NECTIN1: variants seen among roughly 807,000 people sequenced by gnomAD.
NECTIN1 encodes the protein nectin-1.
Under a neutral mutation model 48.0 loss-of-function variants are expected in NECTIN1, and 23 were observed. That is an observed-to-expected ratio of 0.48 (90% CI 0.34 to 0.68). NECTIN1 has a LOEUF of 0.68. Ranked by LOEUF, NECTIN1 falls within the 30% of genes least tolerant of loss-of-function variation. The probability of loss-of-function intolerance (pLI) is 0.01; values close to 1 mark genes in which losing one functional copy is unlikely to be tolerated. For missense variants in NECTIN1, 591 were observed against 709.9 expected (o/e 0.83, Z 1.90); for synonymous variants, 270 against 288.9 (o/e 0.93, Z 0.66).
intron 1 of NECTIN1, among the ~76,000 whole-genome samples, chr11:119,694,826 C>A (rs1865315082): frequency 6.6e-6 from 1 of 152,188 alleles, no homozygotes; most frequent in Non-Finnish European, 1.5e-5. Context: ...GCTGCCCCCC[C>A]AGGCATCTTG....
intron 1 of NECTIN1, among the ~76,000 whole-genome samples, chr11:119,705,609 T>C (rs903160606): frequency 6.6e-6 from 1 of 152,156 alleles, no homozygotes; most frequent in Non-Finnish European, 1.5e-5. Flanking sequence ...CGGAGGAGAC[T>C]GATGCAGGGG....
chr11:119,670,704 T>C (rs1158427261), intron 5 of NECTIN1, among the ~76,000 whole-genome samples: 1 of 140,244 alleles, frequency 7.1e-6, no homozygotes, highest in Non-Finnish European at 1.5e-5. Context: ...TGGAGTGCAG[T>C]GGCACGATCT....
At chr11:119,642,103 G>A (rs1316442634) in intron 5 of NECTIN1, 1 of 152,206 alleles carries the variant, frequency 6.6e-6, no homozygotes, top group Non-Finnish European at 1.5e-5. Flanking sequence ...TGCCTGGCAT[G>A]CAGAAGTGCT....
intron 1 of NECTIN1, among the ~76,000 whole-genome samples, chr11:119,700,278 G>A (rs971828549): frequency 6.6e-6 from 1 of 152,210 alleles, no homozygotes; most frequent in Non-Finnish European, 1.5e-5. Flanking sequence ...CCCGTTCTTG[G>A]CTCTGAGAGT....
At chr11:119,686,238 C>T (rs1865151269) in intron 1 of NECTIN1, among the ~76,000 whole-genome samples, 1 of 152,204 alleles carries the variant, frequency 6.6e-6, no homozygotes, top group South Asian at 2.1e-4. Flanking sequence ...CTCACTAGTG[C>T]ACACCTCCCT....
Position 119,727,654 on chromosome 11 carries a change from T to TGGGCCACCA in NECTIN1, c.79+812_79+820dup, listed in dbSNP as rs1252005083. Among the ~76,000 whole-genome samples the TGGGCCACCA allele has an allele frequency of 2.0e-5, 3 of 152,248 alleles. No individual in the cohort carries two copies. The highest frequency in any genetic ancestry group is 6.5e-5 in the Admixed American group (1 of 15,294). On this transcript the variant is annotated intron_variant, in intron 1 of 5. Transcript: ENST00000264025. The surrounding 1 kb of genome is among the most constrained non-coding windows in gnomAD (Gnocchi z 4.1). Reference sequence around the variant, plus strand: ...TCCGTCCCCACCCCACCCGTCAGAATGGGCCACCAGGGCCACCCCGGGGTC... The same window carrying TGGGCCACCA: ...TCCGTCCCCACCCCACCCGTCAGAATGGGCCACCAGGGCCACCAGGGCCACCCCGGGGTC...
At position 119,677,231 on chromosome 11, in the gene NECTIN1, G is replaced by T; in HGVS notation, c.734-12C>A. ...TACCTCAGGCTCATCTGTGGGGCAA[G>T]GGATGTTTGAAGAGGGTGAGGTCAG... On this transcript the variant is annotated splice_polypyrimidine_tract_variant and intron_variant, in intron 3 of 5. Coordinates refer to ENST00000264025, the MANE Select transcript of NECTIN1 (RefSeq NM_002855.5). The surrounding 1 kb of genome is among the most constrained non-coding windows in gnomAD (Gnocchi z 5.4). 1 of 1,609,774 alleles carries T rather than the reference G, an allele frequency of 6.2e-7. No individual in the cohort carries two copies. The highest frequency in any genetic ancestry group is 8.5e-7 in the Non-Finnish European group (1 of 1,176,088).
At chr11:119,675,125 G>T in intron 5 of NECTIN1, 34 bp downstream of exon 5, 3 of 1,613,738 alleles carry the variant, frequency 1.9e-6, no homozygotes, top group Non-Finnish European at 1.7e-6. Context: ...GAACCCGTGG[G>T]TGCGGAGAGG....
chr11:119,645,005 G>T (rs1823183360), intron 5 of NECTIN1, among the ~76,000 whole-genome samples: 1 of 152,184 alleles, frequency 6.6e-6, no homozygotes, highest in South Asian at 2.1e-4. Context: ...CTGTCCTGGA[G>T]TCACCTCCTC....
chr11:119,708,499 AGT>A, intron 1 of NECTIN1, among the ~76,000 whole-genome samples: 1 of 151,950 alleles, frequency 6.6e-6, no homozygotes, highest in South Asian at 2.1e-4. Flanking sequence ...TGGAATGCTA[AGT>A]AGAAGATGTC....
At chr11:119,713,237 G>C (rs1027808786) in intron 1 of NECTIN1, among the ~76,000 whole-genome samples, 1 of 152,174 alleles carries the variant, frequency 6.6e-6, no homozygotes, top group African/African-American at 2.4e-5. Flanking sequence ...GGCCTATGGA[G>C]GGCTGTGGAG....
rs567014571 is a variant in NECTIN1 at position 119,673,151 on chromosome 11, C to T, written c.1003+2008G>A. The stretch of plus-strand genomic sequence containing the variant: ...GGCTCCCCAGAGAATGTGGCAGGCA[C>T]GGGCCGACGTGGAATGGAGGGTGGT... On this transcript the variant is annotated intron_variant, in intron 5 of 5. Coordinates refer to ENST00000264025, the MANE Select transcript of NECTIN1 (RefSeq NM_002855.5). This position sits in a 1 kb window ranked among gnomAD's most constrained non-coding sequence, Gnocchi z 5.8. 7.2e-5 allele frequency among the ~76,000 whole-genome samples: 11 copies of T among 152,302 alleles called. No individual in the cohort carries two copies. Among genetic ancestry groups the T allele is most frequent in the African/African-American group, 1.4e-4 (6 of 41,558 alleles).
chr11:119,675,144 G>A lies in NECTIN1; in HGVS notation c.1003+15C>T, dbSNP rs758620332. ...CCGTGGGTGCGGAGAGGCTGGGGAG[G>A]ATGCAGCTTCCTACCTGTGATATTG... On this transcript the variant is annotated intron_variant, in intron 5 of 5. Coordinates refer to ENST00000264025, the MANE Select transcript of NECTIN1 (RefSeq NM_002855.5). The A allele has an allele frequency of 1.9e-6, 3 of 1,614,074 alleles. No homozygotes were observed. Among genetic ancestry groups the A allele is most frequent in the Non-Finnish European group, 2.5e-6 (3 of 1,179,992 alleles).
intron 5 of NECTIN1, among the ~76,000 whole-genome samples, chr11:119,651,915 G>A (rs1261217223): frequency 6.6e-6 from 1 of 152,170 alleles, no homozygotes; most frequent in Non-Finnish European, 1.5e-5. Context: ...TGTTCCACAT[G>A]CAGAGAGGGG....
chr11:119,657,611 CT>C (rs35700870), downstream of NECTIN1, among the ~76,000 whole-genome samples: 78,700 of 122,974 alleles, frequency 0.64, 25,165 homozygotes, highest in Admixed American at 0.72. Flanking sequence ...GAGACTTTGT[CT>C]TTAAAAAAAA....
At chr11:119,660,102 G>T (rs948818272), downstream of NECTIN1, among the ~76,000 whole-genome samples, 1 of 152,192 alleles carries the variant, frequency 6.6e-6, no homozygotes, top group African/African-American at 2.4e-5. Context: ...TGCCCACAAT[G>T]GGCAGGAGGG....
downstream of NECTIN1, among the ~76,000 whole-genome samples, chr11:119,660,042 G>A (rs1222147313): frequency 1.3e-5 from 2 of 152,130 alleles, no homozygotes; most frequent in Non-Finnish European, 2.9e-5. Flanking sequence ...CCTTCTGCAC[G>A]CCTACTTCTG....
chr11:119,707,311 T>C (rs1865565580), intron 1 of NECTIN1, among the ~76,000 whole-genome samples: 1 of 152,162 alleles, frequency 6.6e-6, no homozygotes, highest in Non-Finnish European at 1.5e-5. Context: ...TGGCTCTCAC[T>C]TGCCTTGGGG....
rs936002663 is a variant in NECTIN1 at position 119,665,801 on chromosome 11, A to T, written c.1004-504T>A. 2.4e-4 allele frequency among the ~76,000 whole-genome samples: 37 copies of T among 152,118 alleles called. No homozygotes were observed. The highest frequency in any genetic ancestry group is 4.3e-4 in the Non-Finnish European group (29 of 68,024). ...TCTCCTGCACATAGAACGTGTGCAA[A>T]TGTCACTGATACCCCTCTGCCAGAC... is the stretch of plus-strand genomic sequence containing the variant. On this transcript the variant is annotated intron_variant, in intron 5 of 5. Coordinates refer to ENST00000264025, the MANE Select transcript of NECTIN1 (RefSeq NM_002855.5). The surrounding 1 kb of genome is among the most constrained non-coding windows in gnomAD (Gnocchi z 5.1).
Sources: gnomAD v4.1 joint callset for allele counts (sites outside exome capture counted in the v4.1 genomes callset) on GRCh38, gnomAD v4.1.1 for gene constraint, Gnocchi (gnomAD v3.1) non-coding constraint, MANE v1.5 for transcripts, NCBI Gene and HGNC (gene_info 2026-07-23, HGNC 2026-07-21) for gene names.